Variants in STXBP6 observed in about 807,000 individuals in gnomAD.
STXBP6 encodes syntaxin binding protein 6, also known as syntaxin-binding protein 6.
STXBP6 carries 21 observed loss-of-function variants against 26.9 expected under a neutral mutation model. The ratio of observed to expected loss-of-function variants is 0.78; its 90% CI spans 0.55 to 1.12. The LOEUF is 1.12. Ranked by LOEUF, STXBP6 falls within the 50% of genes most tolerant of loss-of-function variation. STXBP6 has a pLI of 0.00. For missense variants in STXBP6, 232 were observed against 257.9 expected, an observed-to-expected ratio of 0.90 and a Z score of 0.69; for synonymous variants, 97 against 92.6, an observed-to-expected ratio of 1.05 and a Z score of -0.27.
At chr14:24,912,164 G>C (rs755527626) in intron 2 of STXBP6, among the ~76,000 whole-genome samples, 1 of 152,106 alleles carries the variant, frequency 6.6e-6, no homozygotes, top group Non-Finnish European at 1.5e-5. Context: ...ATCTGAACAA[G>C]GAATTCGTAG....
At chr14:24,859,423 C>T (rs1030324795) in intron 2 of STXBP6, among the ~76,000 whole-genome samples, 4 of 152,068 alleles carry the variant, frequency 2.6e-5, no homozygotes, top group Non-Finnish European at 5.9e-5. Context: ...ATATACACAT[C>T]GTATAGAGTT....
Position 24,819,038 on chromosome 14 carries a change from T to C in STXBP6, c.608A>G (p.Lys203Arg), listed in dbSNP as rs1210634022. Residue 203 changes from lysine (K) to arginine (R), a missense_variant and splice_region_variant, in exon 5 of 6, where the codon AAG (lysine) becomes AGG (arginine). Lys to Arg is a conservative substitution (Grantham distance 26). Coordinates refer to ENST00000323944, the MANE Select transcript of STXBP6 (RefSeq NM_001394410.1). ...SAQQFAETAH[K>R]LAMKHKC is the part of the protein sequence containing the mutation. ...AAGCCTGCTCCTCTCTTGGCCCACCTTGTGCGCAGTTTCTGCAAACTGCTG... is the reference window on the plus strand; with the variant it reads ...AAGCCTGCTCCTCTCTTGGCCCACCCTGTGCGCAGTTTCTGCAAACTGCTG... The C allele has an allele frequency of 1.5e-5, 23 of 1,584,730 alleles. No individual in the cohort carries two copies. Among genetic ancestry groups the C allele is most frequent in the Non-Finnish European group, 1.9e-5 (22 of 1,162,166 alleles).
intron 2 of STXBP6, among the ~76,000 whole-genome samples, chr14:24,888,672 G>C (rs1416395065): frequency 6.6e-6 from 1 of 150,980 alleles, no homozygotes; most frequent in Non-Finnish European, 1.5e-5. Context: ...GCAGTGAGCT[G>C]AGATTGCGTC....
chr14:24,867,772 T>C (rs2069777015), intron 2 of STXBP6, among the ~76,000 whole-genome samples: 1 of 152,222 alleles, frequency 6.6e-6, no homozygotes, highest in Admixed American at 6.5e-5. Flanking sequence ...AGATTTCCTA[T>C]ATATAACACT....
At chr14:24,849,325 T>G (rs1215144895) in intron 4 of STXBP6, among the ~76,000 whole-genome samples, 1 of 152,148 alleles carries the variant, frequency 6.6e-6, no homozygotes, top group Non-Finnish European at 1.5e-5. Context: ...ATGATTAATA[T>G]AATTATGTAA....
At chr14:24,852,502 A>G (rs1309250275) in intron 4 of STXBP6, among the ~76,000 whole-genome samples, 1 of 152,060 alleles carries the variant, frequency 6.6e-6, no homozygotes, top group Non-Finnish European at 1.5e-5. Context: ...GGCATAGAGT[A>G]CCTGAGAGGC....
chr14:24,997,715 C>T (rs2074640784), intron 1 of STXBP6, among the ~76,000 whole-genome samples: 1 of 152,090 alleles, frequency 6.6e-6, no homozygotes, highest in South Asian at 2.1e-4. Context: ...GCTGTAAATC[C>T]ACCCTTCAGA....
intron 1 of STXBP6, among the ~76,000 whole-genome samples, chr14:25,000,678 T>C (rs543564623): frequency 4.0e-5 from 6 of 149,342 alleles, no homozygotes; most frequent in Middle Eastern, 3.4e-3. Context: ...AAATTATCTT[T>C]AGTCAGTTTT....
intron 1 of STXBP6, among the ~76,000 whole-genome samples, chr14:25,035,430 T>C (rs562562012): frequency 6.6e-6 from 1 of 152,346 alleles, no homozygotes; most frequent in East Asian, 1.9e-4. Context: ...CATTTATACG[T>C]TTCTTTCTTT....
At position 24,810,758 on chromosome 14, in the gene STXBP6, C is replaced by T. The variant is rs1428241200; in HGVS notation, c.*1951G>A. 4 of 152,044 alleles carry T rather than the reference C, an allele frequency of 2.6e-5. No individual in the cohort carries two copies. Among genetic ancestry groups the T allele is most frequent in the East Asian group, 1.9e-4 (1 of 5,192 alleles). 9.4% of individuals were successfully genotyped at this position (152,044 alleles called of 1,614,324 possible). On this transcript the variant is annotated 3_prime_UTR_variant, in exon 6 of 6. Coordinates refer to ENST00000323944, the MANE Select transcript of STXBP6 (RefSeq NM_001394410.1). Reference sequence around the variant, plus strand: ...TAGAGAGTTGGCAACCACTTCTGTTCTTGAATTTGGCGGACTGTCAGGGGG... The same window carrying T: ...TAGAGAGTTGGCAACCACTTCTGTTTTTGAATTTGGCGGACTGTCAGGGGG...
intron 2 of STXBP6, among the ~76,000 whole-genome samples, chr14:24,965,431 A>G (rs1433529807): frequency 6.6e-6 from 1 of 151,300 alleles, no homozygotes; most frequent in Admixed American, 6.6e-5. Context: ...TTTGGGGGGT[A>G]AAGGTGGTGT....
chr14:25,037,236 G>A lies in STXBP6; in HGVS notation c.-33+12642C>T, dbSNP rs550717975. On this transcript the variant is annotated intron_variant, in intron 1 of 5. Transcript: ENST00000323944. ...ACAGAGCCCCATTTGACAGAGGCCCGGAGAGCTCCTGGGACTCTGAAATAG... is the reference window on the plus strand; with the variant it reads ...ACAGAGCCCCATTTGACAGAGGCCCAGAGAGCTCCTGGGACTCTGAAATAG... Among the ~76,000 whole-genome samples the A allele has an allele frequency of 2.0e-4, 31 of 152,274 alleles. No individual in the cohort carries two copies. In the South Asian group the frequency reaches 5.0e-3, roughly 24 times the overall value.
At chr14:24,997,424 C>T (rs1235105855) in intron 1 of STXBP6, among the ~76,000 whole-genome samples, 1 of 152,154 alleles carries the variant, frequency 6.6e-6, no homozygotes, top group African/African-American at 2.4e-5. Context: ...TCTTTCATGC[C>T]CAATTCCTAC....
At chr14:24,856,979 C>T in intron 3 of STXBP6, 48 bp downstream of exon 3, 1 of 1,595,844 alleles carries the variant, frequency 6.3e-7, no homozygotes, top group Admixed American at 1.7e-5. Flanking sequence ...ATCAGAGAGT[C>T]ATCTTGTGAA....
chr14:25,014,450 G>A (rs1486387504), intron 1 of STXBP6, among the ~76,000 whole-genome samples: 2 of 152,192 alleles, frequency 1.3e-5, no homozygotes, highest in Non-Finnish European at 2.9e-5. Context: ...GGGCGACAGA[G>A]GGAGACCCTG....
chr14:24,960,260 C>T (rs775543172), intron 2 of STXBP6, among the ~76,000 whole-genome samples: 2 of 152,188 alleles, frequency 1.3e-5, no homozygotes, highest in South Asian at 2.1e-4. Flanking sequence ...TGAAGCCAGA[C>T]GTTTGACAAC....
At chr14:24,931,134 A>AAAAAAAAACAAAAAC (rs1566486288) in intron 2 of STXBP6, among the ~76,000 whole-genome samples, 43 of 117,994 alleles carry the variant, frequency 3.6e-4, no homozygotes, top group South Asian at 3.1e-3. Context: ...AAAAAAAAAA[A>AAAAAAAAACAAAAAC]AAAAAAAACC....
At chr14:24,925,351 T>A (rs1158417872) in intron 2 of STXBP6, among the ~76,000 whole-genome samples, 1 of 152,228 alleles carries the variant, frequency 6.6e-6, no homozygotes, top group Non-Finnish European at 1.5e-5. Context: ...ATCAGAACAT[T>A]TCCTATCATT....
chr14:24,837,225 G>C (rs1315176600), intron 4 of STXBP6, among the ~76,000 whole-genome samples: 1 of 152,088 alleles, frequency 6.6e-6, no homozygotes, highest in Non-Finnish European at 1.5e-5. Flanking sequence ...GTGGAACATA[G>C]GAAAATTTGT....
Sources: allele counts gnomAD v4.1 joint callset (sites outside exome capture counted in the v4.1 genomes callset), GRCh38; gene constraint gnomAD v4.1.1; transcripts MANE v1.5; gene names NCBI Gene and HGNC (gene_info 2026-07-23, HGNC 2026-07-21).